Variants in STARD13 observed in about 807,000 individuals in gnomAD.
STARD13 encodes the protein StAR related lipid transfer domain containing 13, also known as stAR-related lipid transfer protein 13.
In STARD13, 62 loss-of-function variants were observed where a neutral mutation model predicts 106.4. The observed-to-expected ratio is 0.58, with a 90% confidence interval of 0.48 to 0.72. The LOEUF (loss-of-function observed/expected upper bound fraction) is 0.72. Ranked by LOEUF, STARD13 falls within the 30% of genes least tolerant of loss-of-function variation. STARD13 has a pLI of 0.00. For missense variants in STARD13, 1,387 were observed against 1,424.0 expected, an observed-to-expected ratio of 0.97 and a Z score of 0.42; for synonymous variants, 565 against 553.0, an observed-to-expected ratio of 1.02 and a Z score of -0.31.
In STARD13 at chr13:33,129,692, A is replaced by G; in HGVS notation, c.985T>C (p.Ser329Pro). Reference protein sequence around the residue: ...CRKGLPCSGKSSGESSPSEHS... With the variant: ...CRKGLPCSGKPSGESSPSEHS... ...TCCGACGGGCTGCTCTCGCCACTCG[A>G]CTTGCCAGAGCATGGGAGCCCTTTT... Residue 329 changes from serine (S) to proline (P), a missense_variant, in exon 5 of 14, where the codon TCG becomes CCG. By Grantham distance (74) the Ser-to-Pro change is moderately conservative. Transcript: ENST00000336934. 6.2e-7 allele frequency: 1 copy of G among 1,613,980 alleles called. No individual in the cohort carries two copies. Among genetic ancestry groups the G allele is most frequent in the East Asian group, 2.2e-5 (1 of 44,872 alleles).
the STARD13 span, among the ~76,000 whole-genome samples, chr13:33,542,399 T>C: frequency 3.3e-5 from 5 of 152,190 alleles, no homozygotes; most frequent in Non-Finnish European, 5.9e-5. Flanking sequence ...GAAACCTGAC[T>C]CACAGCCAGA....
At chr13:33,189,896 AC>A (rs1886117942) in intron 1 of STARD13, among the ~76,000 whole-genome samples, 1 of 152,004 alleles carries the variant, frequency 6.6e-6, no homozygotes, top group African/African-American at 2.4e-5. Flanking sequence ...TTCAACTGCA[AC>A]CCACTCTAAG....
At chr13:33,657,532 T>C in the STARD13 span, 1 of 152,224 alleles carries the variant, frequency 6.6e-6, no homozygotes, top group Admixed American at 6.5e-5. Context: ...AAGTTCAAAG[T>C]GTAGAAAATA....
chr13:33,136,264 G>A (rs550756988), intron 4 of STARD13, among the ~76,000 whole-genome samples: 3 of 152,314 alleles, frequency 2.0e-5, no homozygotes, highest in South Asian at 2.1e-4. Flanking sequence ...AAAATGGTAT[G>A]AGCACAATTG....
chr13:33,406,889 A>T, the STARD13 span, among the ~76,000 whole-genome samples: 5 of 152,166 alleles, frequency 3.3e-5, no homozygotes, highest in African/African-American at 4.8e-5. Context: ...TCCACAAATG[A>T]CTGTAAAAGC....
At chr13:33,259,948 A>G (rs112619139) in intron 1 of STARD13, among the ~76,000 whole-genome samples, 28,724 of 147,528 alleles carry the variant, frequency 0.19, 3,183 homozygotes, top group African/African-American at 0.27. Context: ...GTGAGCCGAG[A>G]TCGTGCCACT....
At chr13:33,619,000 C>T in the STARD13 span, among the ~76,000 whole-genome samples, 4 of 151,788 alleles carry the variant, frequency 2.6e-5, no homozygotes. Context: ...TTCCATGAGT[C>T]CTAAAAGAAA....
chr13:33,629,237 C>A, the STARD13 span, among the ~76,000 whole-genome samples: 2 of 152,192 alleles, frequency 1.3e-5, no homozygotes, highest in Non-Finnish European at 2.9e-5. Context: ...AACTATACTT[C>A]ATTGGTAAGA....
At chr13:33,536,962 A>G in the STARD13 span, among the ~76,000 whole-genome samples, 1 of 152,224 alleles carries the variant, frequency 6.6e-6, no homozygotes, top group African/African-American at 2.4e-5. Context: ...GCTGCTTTAA[A>G]TTTTATTCCA....
chr13:33,424,151 C>A, the STARD13 span, among the ~76,000 whole-genome samples: 3 of 151,818 alleles, frequency 2.0e-5, no homozygotes, highest in South Asian at 6.2e-4. Flanking sequence ...TATACCAAAA[C>A]AACCAAAAAA....
At chr13:33,547,399 CT>C in the STARD13 span, among the ~76,000 whole-genome samples, 18 of 152,104 alleles carry the variant, frequency 1.2e-4, no homozygotes, top group African/African-American at 4.3e-4. Flanking sequence ...CATATTTATA[CT>C]TTTTTCACAA....
At chr13:33,208,287 G>T (rs760513293) in intron 1 of STARD13, among the ~76,000 whole-genome samples, 3 of 152,126 alleles carry the variant, frequency 2.0e-5, no homozygotes, top group Non-Finnish European at 4.4e-5. Flanking sequence ...ACATGGCGGG[G>T]TTGTAGCATG....
the STARD13 span, among the ~76,000 whole-genome samples, chr13:33,635,845 G>A: frequency 3.3e-5 from 5 of 151,782 alleles, no homozygotes; most frequent in African/African-American, 4.8e-5. Context: ...TTAGCCGGGT[G>A]TGGTGGCGGG....
intron 4 of STARD13, among the ~76,000 whole-genome samples, chr13:33,134,143 TTG>T (rs1376866087): frequency 2.0e-5 from 3 of 152,172 alleles, no homozygotes; most frequent in Admixed American, 2.0e-4. Flanking sequence ...GGTTCCCACG[TTG>T]TGGACAATAT....
the STARD13 span, among the ~76,000 whole-genome samples, chr13:33,451,249 A>G: frequency 6.6e-6 from 1 of 152,200 alleles, no homozygotes; most frequent in African/African-American, 2.4e-5. Flanking sequence ...AGGGTTTAAG[A>G]GACAGACGTG....
intron 1 of STARD13, among the ~76,000 whole-genome samples, chr13:33,320,805 T>C (rs967429585): frequency 3.9e-5 from 6 of 152,148 alleles, no homozygotes; most frequent in African/African-American, 1.2e-4. Flanking sequence ...ACCCCATCTC[T>C]AGAAAACAAA....
intron 2 of STARD13, 32 bp downstream of exon 2, chr13:33,167,519 C>T: frequency 6.2e-7 from 1 of 1,610,116 alleles, no homozygotes. Flanking sequence ...GATTTATTCT[C>T]TGTGTAAGAG....
intron 1 of STARD13, among the ~76,000 whole-genome samples, chr13:33,201,162 GC>G (rs1373464344): frequency 6.6e-6 from 1 of 152,188 alleles, no homozygotes; most frequent in East Asian, 1.9e-4. Context: ...AAATGTTCCT[GC>G]CCACTAGCAA....
intron 1 of STARD13, among the ~76,000 whole-genome samples, chr13:33,231,581 T>G (rs9597025): frequency 0.13 from 19,207 of 151,938 alleles, 1,950 homozygotes; most frequent in African/African-American, 0.29. Flanking sequence ...GAGTTGAAGG[T>G]AACATAATAA....
Sources: allele counts gnomAD v4.1 joint callset (sites outside exome capture counted in the v4.1 genomes callset), GRCh38; gene constraint gnomAD v4.1.1; transcripts MANE v1.5; gene names NCBI Gene and HGNC (gene_info 2026-07-23, HGNC 2026-07-21).